Variants in CTXND1 observed in about 807,000 individuals in gnomAD.
CTXND1 encodes cortexin domain-containing 1 protein.
At position 80,199,153 on chromosome 15, in the gene CTXND1, T is replaced by C. The variant is rs935568861; in HGVS notation, c.*2617A>G. The C allele has an allele frequency of 1.1e-4, 17 of 152,222 alleles. No homozygotes were observed. The highest frequency in any genetic ancestry group is 3.1e-4 in the African/African-American group (13 of 41,446). 9.4% of individuals were successfully genotyped at this position (152,222 alleles called of 1,614,324 possible). A position where few individuals can be genotyped will look rare whatever the true frequency, so the allele number is the denominator to read the frequency against. ...AGTCAAGAGATAAGGTGAAACCCAT[T>C]AGCAAATCTGAGTGTGGAAAAGAAT... On this transcript the variant is annotated 3_prime_UTR_variant, in exon 3 of 3. Coordinates refer to ENST00000560778, the MANE Select transcript of CTXND1 (RefSeq NM_001352888.2).
intron 1 of CTXND1, among the ~76,000 whole-genome samples, chr15:80,211,716 C>T (rs1193132990): frequency 6.6e-6 from 1 of 152,204 alleles, no homozygotes; most frequent in East Asian, 1.9e-4. Flanking sequence ...TATGAGCTAA[C>T]ACCATTTTAG....
chr15:80,244,202 T>G (rs545838832), intron 1 of CTXND1, among the ~76,000 whole-genome samples: 3 of 152,344 alleles, frequency 2.0e-5, no homozygotes, highest in African/African-American at 7.2e-5. Context: ...TAAGTAATCC[T>G]ACTTATACTC....
chr15:80,249,138 A>C lies in CTXND1; in HGVS notation c.-218+2869T>G, dbSNP rs532958963. Among the ~76,000 whole-genome samples, 14 of 152,018 alleles carry C rather than the reference A, an allele frequency of 9.2e-5. No homozygotes were observed. The South Asian group carries it at 2.9e-3, about 32-fold the overall frequency. ...GCTAATTTTTAAAATTTTTTTGTGG[A>C]GATAAGTTCTCACTCTGTTGCCTAG... is the stretch of plus-strand genomic sequence containing the variant. On this transcript the variant is annotated intron_variant, in intron 1 of 2. Coordinates refer to ENST00000560778, the MANE Select transcript of CTXND1 (RefSeq NM_001352888.2).
intron 1 of CTXND1, among the ~76,000 whole-genome samples, chr15:80,235,969 T>G (rs1893490795): frequency 1.4e-5 from 2 of 148,010 alleles, no homozygotes; most frequent in Admixed American, 6.8e-5. Flanking sequence ...TACATAAATA[T>G]CCCTCAACCA....
Position 80,199,016 on chromosome 15 carries a change from A to C in CTXND1, c.*2754T>G, listed in dbSNP as rs1352695680. The C allele has an allele frequency of 6.6e-6, 1 of 152,200 alleles. No homozygotes were observed. The highest frequency in any genetic ancestry group is 1.5e-5 in the Non-Finnish European group (1 of 68,024). The allele number at this position is 152,200 out of a possible 1,614,324, so 9.4% of individuals were successfully genotyped here. On this transcript the variant is annotated 3_prime_UTR_variant, in exon 3 of 3. Coordinates refer to ENST00000560778, the MANE Select transcript of CTXND1 (RefSeq NM_001352888.2). ...GCATGAGGACAATGATTAGAAGGGA[A>C]TATATGGACACAAAATGAAAATTGC...
chr15:80,204,138 CTG>C (rs1306889577), intron 1 of CTXND1, among the ~76,000 whole-genome samples: 1 of 66,192 alleles, frequency 1.5e-5, no homozygotes, highest in Admixed American at 2.5e-4. Flanking sequence ...CAGAGCAAGA[CTG>C]TGTCTCAAAA....
chr15:80,225,199 G>C (rs1893359240), intron 1 of CTXND1, among the ~76,000 whole-genome samples: 1 of 152,156 alleles, frequency 6.6e-6, no homozygotes, highest in Non-Finnish European at 1.5e-5. Flanking sequence ...AGTAGTGTTA[G>C]AGATGAAAAA....
intron 1 of CTXND1, among the ~76,000 whole-genome samples, chr15:80,228,243 C>T (rs1221328074): frequency 3.3e-5 from 5 of 152,218 alleles, no homozygotes; most frequent in Non-Finnish European, 7.3e-5. Context: ...CAAAGTCATC[C>T]ATGAGGCTGG....
intron 1 of CTXND1, among the ~76,000 whole-genome samples, chr15:80,225,558 C>T (rs2142132367): frequency 6.6e-6 from 1 of 152,150 alleles, no homozygotes; most frequent in East Asian, 1.9e-4. Context: ...TTTTCCCATC[C>T]CTCTGTCCTT....
intron 1 of CTXND1, among the ~76,000 whole-genome samples, chr15:80,232,104 G>A (rs1483035002): frequency 6.6e-6 from 1 of 152,146 alleles, no homozygotes; most frequent in African/African-American, 2.4e-5. Flanking sequence ...GAGGCTATAG[G>A]AGTGGTGGGT....
chr15:80,249,097 C>A (rs1156276687), intron 1 of CTXND1, among the ~76,000 whole-genome samples: 2 of 152,134 alleles, frequency 1.3e-5, no homozygotes, highest in Non-Finnish European at 2.9e-5. Context: ...GGACTATAGG[C>A]ATACCACCAT....
chr15:80,207,506 T>A (rs1484304355), intron 1 of CTXND1, among the ~76,000 whole-genome samples: 1 of 152,212 alleles, frequency 6.6e-6, no homozygotes, highest in Admixed American at 6.5e-5. Context: ...ATATCATAAT[T>A]TTTTTGAAGT....
chr15:80,214,448 T>C (rs2142126642), intron 1 of CTXND1, among the ~76,000 whole-genome samples: 1 of 152,234 alleles, frequency 6.6e-6, no homozygotes, highest in South Asian at 2.1e-4. Flanking sequence ...AAGTAAAAAT[T>C]CTGCAGACTG....
intron 1 of CTXND1, among the ~76,000 whole-genome samples, chr15:80,226,429 T>C (rs72740092): frequency 1.7e-3 from 263 of 152,350 alleles, no homozygotes; most frequent in Non-Finnish European, 3.1e-3. Context: ...CAGTATCTGC[T>C]GTAACGGCCC....
intron 1 of CTXND1, among the ~76,000 whole-genome samples, chr15:80,233,029 G>A (rs762274042): frequency 4.3e-5 from 6 of 139,436 alleles, no homozygotes; most frequent in Admixed American, 7.9e-5. Context: ...TGCAACCTCC[G>A]CCTCCCAGGT....
chr15:80,198,696 T>C lies in CTXND1; in HGVS notation c.*3074A>G, dbSNP rs2041433094. ...TGTCTCTTAAATGGAGAGAGTGTAC[T>C]GTAAGTATTTATTCTCCCCTGTCTT... On this transcript the variant is annotated 3_prime_UTR_variant, in exon 3 of 3. Coordinates refer to ENST00000560778, the MANE Select transcript of CTXND1 (RefSeq NM_001352888.2). 6.6e-6 allele frequency: 1 copy of C among 152,218 alleles called. No homozygotes were observed. Among genetic ancestry groups the C allele is most frequent in the Non-Finnish European group, 1.5e-5 (1 of 68,046 alleles). The allele number at this position is 152,218 out of a possible 1,614,324, so 9.4% of individuals were successfully genotyped here. A position where few individuals can be genotyped will look rare whatever the true frequency, so the allele number is the denominator to read the frequency against.
chr15:80,222,164 A>T (rs1567131315), intron 1 of CTXND1, among the ~76,000 whole-genome samples: 1 of 152,296 alleles, frequency 6.6e-6, no homozygotes, highest in East Asian at 1.9e-4. Flanking sequence ...TGATCCATCC[A>T]ATTTTAAGGT....
chr15:80,223,812 C>CAAA (rs5814006), intron 1 of CTXND1, among the ~76,000 whole-genome samples: 1 of 141,248 alleles, frequency 7.1e-6, no homozygotes, highest in Non-Finnish European at 1.6e-5. Context: ...GCTTTTTGGC[C>CAAA]AAAAAAAAAA....
chr15:80,232,360 G>C (rs1567133380), intron 1 of CTXND1, among the ~76,000 whole-genome samples: 1 of 152,160 alleles, frequency 6.6e-6, no homozygotes, highest in Admixed American at 6.5e-5. Flanking sequence ...CCAAAGAAAT[G>C]CTCAGGAAAT....
Sources: allele counts gnomAD v4.1 joint callset (sites outside exome capture counted in the v4.1 genomes callset), GRCh38; gene constraint gnomAD v4.1.1; transcripts MANE v1.5; gene names NCBI Gene and HGNC (gene_info 2026-07-23, HGNC 2026-07-21).